TIMD4: variants seen among roughly 807,000 people sequenced by gnomAD.
The protein encoded by TIMD4 is T cell immunoglobulin and mucin domain containing 4.
Under a neutral mutation model 41.2 loss-of-function variants are expected in TIMD4, and 31 were observed. That is an observed-to-expected ratio of 0.75 (90% CI 0.57 to 1.01). The LOEUF (loss-of-function observed/expected upper bound fraction) is 1.01. Among genes scored for constraint, TIMD4 ranks in the 50% least tolerant of loss-of-function variants. The pLI, the probability that TIMD4 is intolerant of heterozygous loss-of-function variation, is 0.00. For synonymous variants in TIMD4, 204 were observed against 177.1 expected (o/e 1.15, Z -1.21); for missense variants, 479 against 472.5 (o/e 1.01, Z -0.13).
intron 8 of TIMD4, 30 bp downstream of exon 8, chr5:156,920,434 T>TAC: frequency 6.2e-7 from 1 of 1,612,454 alleles, no homozygotes. Context: ...GTACAATCAT[T>TAC]ACAACACCCA....
At chr5:156,941,904 C>T (rs1476132603) in intron 5 of TIMD4, among the ~76,000 whole-genome samples, 5 of 152,328 alleles carry the variant, frequency 3.3e-5, no homozygotes, top group African/African-American at 1.2e-4. Flanking sequence ...CATGCCTTAA[C>T]TCCATGGAAA....
intron 6 of TIMD4, among the ~76,000 whole-genome samples, chr5:156,923,517 A>G (rs1759290113): frequency 6.6e-6 from 1 of 151,724 alleles, no homozygotes; most frequent in African/African-American, 2.4e-5. Context: ...ATCAAAAACC[A>G]AGTCTCAGTT....
At chr5:156,940,856 C>T (rs1031543231) in intron 5 of TIMD4, among the ~76,000 whole-genome samples, 10 of 152,186 alleles carry the variant, frequency 6.6e-5, no homozygotes, top group Admixed American at 4.6e-4. Flanking sequence ...ATGACGATGG[C>T]GGTTTTGTTG....
chr5:156,958,672 G>C (rs529548852), intron 1 of TIMD4, among the ~76,000 whole-genome samples: 9 of 152,314 alleles, frequency 5.9e-5, no homozygotes, highest in African/African-American at 1.7e-4. Context: ...CTACCCAAGA[G>C]TCCTAGTATG....
At chr5:156,935,202 C>A (rs1248169044) in intron 5 of TIMD4, among the ~76,000 whole-genome samples, 1 of 149,866 alleles carries the variant, frequency 6.7e-6, no homozygotes, top group Non-Finnish European at 1.5e-5. Context: ...TTTAATTTGT[C>A]AAGAGGGAAG....
chr5:156,940,716 G>A (rs541069248), intron 5 of TIMD4, among the ~76,000 whole-genome samples: 1 of 151,278 alleles, frequency 6.6e-6, no homozygotes, highest in East Asian at 1.9e-4. Flanking sequence ...CCTCCGCCCG[G>A]CAGCCGCCCC....
Position 156,951,752 on chromosome 5 carries a change from G to A in TIMD4, c.439C>T (p.Arg147Cys), listed in dbSNP as rs138383727. 2.1e-4 allele frequency: 338 copies of A among 1,614,032 alleles called. 2 individuals are homozygous for A. The South Asian group carries it at 2.1e-3, about 10-fold the overall frequency. Residue 147 changes from arginine (R) to cysteine (C), a missense_variant, in exon 3 of 9, where the codon CGC becomes TGC. Coordinates refer to ENST00000274532, the MANE Select transcript of TIMD4 (RefSeq NM_138379.3). ...GTGGGGCTTGTTGTTGTTGTTCTGC[G>A]TGTGGTGGTGGTTGCTGTTCTGTGC... ...TTHRTATTTTRRTTTTSPTTT... is the reference protein window; with the variant it reads ...TTHRTATTTTCRTTTTSPTTT...
intron 5 of TIMD4, among the ~76,000 whole-genome samples, chr5:156,926,730 G>C (rs952118735): frequency 5.3e-5 from 8 of 152,190 alleles, no homozygotes; most frequent in African/African-American, 1.9e-4. Context: ...TTACAACTTA[G>C]TGCAGAAAAT....
chr5:156,949,387 C>T (rs1304458428), intron 4 of TIMD4, among the ~76,000 whole-genome samples: 1 of 151,708 alleles, frequency 6.6e-6, no homozygotes, highest in East Asian at 1.9e-4. Flanking sequence ...AGAATTGCAC[C>T]AATCAAGAAG....
At chr5:156,940,131 A>AT (rs1759614209) in intron 5 of TIMD4, among the ~76,000 whole-genome samples, 1 of 152,034 alleles carries the variant, frequency 6.6e-6, no homozygotes, top group Non-Finnish European at 1.5e-5. Context: ...TGGTTTTTGT[A>AT]TTTTTTGGTG....
intron 5 of TIMD4, among the ~76,000 whole-genome samples, chr5:156,926,534 T>G (rs530343122): frequency 6.6e-6 from 1 of 152,378 alleles, no homozygotes; most frequent in Non-Finnish European, 1.5e-5. Flanking sequence ...ATCACCATTT[T>G]ACAGATGAGT....
chr5:156,933,071 G>A (rs1190022751), intron 5 of TIMD4, among the ~76,000 whole-genome samples: 7 of 151,818 alleles, frequency 4.6e-5, no homozygotes, highest in South Asian at 2.1e-4. Context: ...TTGTTCTATC[G>A]AATATATGAA....
At position 156,955,009 on chromosome 5, in the gene TIMD4, C is replaced by G. The variant is rs1376275342; in HGVS notation, c.59-253G>C. 7.2e-5 allele frequency among the ~76,000 whole-genome samples: 11 copies of G among 152,180 alleles called. No individual in the cohort carries two copies. The East Asian group carries it at 2.1e-3, about 29-fold the overall frequency. On this transcript the variant is annotated intron_variant, in intron 1 of 8. Coordinates refer to ENST00000274532, the MANE Select transcript of TIMD4 (RefSeq NM_138379.3). ...CCTCCCACCTCAGCCTTCTGAGTAGCTGGGACCACAGGTGCGTGGCAGCAT... is the reference window on the plus strand; with the variant it reads ...CCTCCCACCTCAGCCTTCTGAGTAGGTGGGACCACAGGTGCGTGGCAGCAT...
chr5:156,946,252 C>T (rs1159424520), intron 5 of TIMD4, among the ~76,000 whole-genome samples: 1 of 152,168 alleles, frequency 6.6e-6, no homozygotes, highest in Non-Finnish European at 1.5e-5. Flanking sequence ...TAGTCCCCCA[C>T]CCTTACCCCA....
At chr5:156,943,111 T>C (rs1759676080) in intron 5 of TIMD4, among the ~76,000 whole-genome samples, 2 of 152,336 alleles carry the variant, frequency 1.3e-5, no homozygotes, top group Non-Finnish European at 1.5e-5. Flanking sequence ...ATCTATATAC[T>C]GATCAGGAAC....
chr5:156,940,026 GC>G (rs1759611248), intron 5 of TIMD4, among the ~76,000 whole-genome samples: 1 of 152,252 alleles, frequency 6.6e-6, no homozygotes, highest in Non-Finnish European at 1.5e-5. Flanking sequence ...GGACTGTACT[GC>G]CGCGATCTCG....
intron 1 of TIMD4, 131 bp from the exon 2 acceptor site, chr5:156,954,887 T>C: frequency 1.2e-6 from 1 of 817,172 alleles, no homozygotes; most frequent in Non-Finnish European, 1.9e-6. Context: ...TTCTTTCCTT[T>C]TTTTTTTTGA....
At chr5:156,931,379 A>T (rs1759442376) in intron 5 of TIMD4, among the ~76,000 whole-genome samples, 1 of 152,228 alleles carries the variant, frequency 6.6e-6, no homozygotes, top group African/African-American at 2.4e-5. Flanking sequence ...CAGGCACAAG[A>T]TATGAAAGGA....
At chr5:156,957,461 C>T (rs1450858615) in intron 1 of TIMD4, among the ~76,000 whole-genome samples, 2 of 131,798 alleles carry the variant, frequency 1.5e-5, no homozygotes, top group African/African-American at 5.8e-5. Flanking sequence ...TGCAGTGAGG[C>T]GAGATTGTGC....
Sources: gnomAD v4.1 joint callset for allele counts (sites outside exome capture counted in the v4.1 genomes callset) on GRCh38, gnomAD v4.1.1 for gene constraint, MANE v1.5 for transcripts, NCBI Gene and HGNC (gene_info 2026-07-23, HGNC 2026-07-21) for gene names.